NRXN3: variants seen among roughly 807,000 people sequenced by gnomAD.
The protein encoded by NRXN3 is neurexin III.
NRXN3 carries 32 observed loss-of-function variants against 137.6 expected under a neutral mutation model. The observed-to-expected ratio is 0.23, with a 90% CI of 0.18 to 0.31. The LOEUF (loss-of-function observed/expected upper bound fraction) is 0.31. NRXN3 is among the 10% of genes least tolerant of loss of function. NRXN3 has a pLI of 1.00. For missense variants in NRXN3, 1,574 were observed against 2,062.5 expected, an observed-to-expected ratio of 0.76 and a Z score of 4.59; for synonymous variants, 798 against 784.5, an observed-to-expected ratio of 1.02 and a Z score of -0.29.
Position 78,349,598 on chromosome 14 carries a change from T to G in NRXN3, c.757+51738T>G, listed in dbSNP as rs535788451. Among the ~76,000 whole-genome samples, 33 of 152,344 alleles carry G rather than the reference T, an allele frequency of 2.2e-4. 1 individual carries two copies. The South Asian group carries it at 6.0e-3, about 28-fold the overall frequency. On this transcript the variant is annotated intron_variant, in intron 4 of 20. Coordinates refer to ENST00000335750, the MANE Select transcript of NRXN3 (RefSeq NM_001330195.2). ...TTTTAGCTTTCAATTACATGCGGTC[T>G]AGTTATAGGCTTTCAGTTGCTTCAT... is the stretch of plus-strand genomic sequence containing the variant.
chr14:78,879,330 A>T (rs1449739227), intron 10 of NRXN3, among the ~76,000 whole-genome samples: 2 of 152,204 alleles, frequency 1.3e-5, no homozygotes, highest in African/African-American at 4.8e-5. Flanking sequence ...ACAGCAGTAT[A>T]CCAGGGTTCC....
At chr14:79,708,160 T>A (rs932119635) in intron 19 of NRXN3, among the ~76,000 whole-genome samples, 3 of 152,146 alleles carry the variant, frequency 2.0e-5, no homozygotes, top group African/African-American at 7.2e-5. Context: ...AAAATATTTT[T>A]AAAAAATTGT....
intron 16 of NRXN3, among the ~76,000 whole-genome samples, chr14:79,578,803 T>G (rs950754703): frequency 6.6e-6 from 1 of 152,106 alleles, no homozygotes; most frequent in Non-Finnish European, 1.5e-5. Context: ...TTTTGAACTT[T>G]GTAGTCAGGG....
intron 16 of NRXN3, among the ~76,000 whole-genome samples, chr14:79,620,512 G>A (rs919187371): frequency 1.3e-5 from 2 of 152,074 alleles, no homozygotes; most frequent in East Asian, 3.9e-4. Flanking sequence ...ATAAGGTAGT[G>A]GCATTGGAGT....
intron 10 of NRXN3, among the ~76,000 whole-genome samples, chr14:78,931,928 C>A (rs1597539625): frequency 1.3e-5 from 2 of 152,080 alleles, no homozygotes; most frequent in South Asian, 4.1e-4. Context: ...AGGTGGATCA[C>A]CTGAGATCAG....
At chr14:78,526,479 GA>G (rs2096381758) in intron 4 of NRXN3, among the ~76,000 whole-genome samples, 1 of 152,178 alleles carries the variant, frequency 6.6e-6, no homozygotes, top group Admixed American at 6.5e-5. Flanking sequence ...CAAAAACAAA[GA>G]AAACTAACAA....
intron 16 of NRXN3, among the ~76,000 whole-genome samples, chr14:79,559,220 C>T (rs1326152785): frequency 6.6e-6 from 1 of 152,106 alleles, no homozygotes; most frequent in Admixed American, 6.5e-5. Flanking sequence ...TCTTTGCATC[C>T]ACTACTTGGC....
At chr14:79,782,484 T>C (rs980983962) in intron 19 of NRXN3, among the ~76,000 whole-genome samples, 1 of 151,898 alleles carries the variant, frequency 6.6e-6, no homozygotes, top group Non-Finnish European at 1.5e-5. Flanking sequence ...TTATGGTCTC[T>C]TGAATATTCT....
At chr14:79,813,990 G>A (rs148458253) in intron 20 of NRXN3, among the ~76,000 whole-genome samples, 1 of 152,298 alleles carries the variant, frequency 6.6e-6, no homozygotes, top group African/African-American at 2.4e-5. Flanking sequence ...GTGGCATGCC[G>A]TGACAAGTTT....
chr14:79,004,872 C>T (rs1388918078), intron 15 of NRXN3, among the ~76,000 whole-genome samples: 1 of 152,096 alleles, frequency 6.6e-6, no homozygotes, highest in East Asian at 1.9e-4. Context: ...TGCTGTCGCC[C>T]CGTCCTCATC....
At chr14:79,773,388 C>A (rs945018496) in intron 19 of NRXN3, among the ~76,000 whole-genome samples, 1 of 152,016 alleles carries the variant, frequency 6.6e-6, no homozygotes, top group Admixed American at 6.6e-5. Context: ...CAAATGTCCA[C>A]CAATGATCGA....
chr14:79,595,031 T>G (rs541070054), intron 16 of NRXN3, among the ~76,000 whole-genome samples: 32 of 152,350 alleles, frequency 2.1e-4, no homozygotes, highest in African/African-American at 7.5e-4. Flanking sequence ...CATGCATACC[T>G]CAGCTGAAAA....
intron 10 of NRXN3, among the ~76,000 whole-genome samples, chr14:78,951,811 T>A (rs1215669466): frequency 6.6e-6 from 1 of 152,170 alleles, no homozygotes; most frequent in African/African-American, 2.4e-5. Context: ...GAATAGATAG[T>A]CTTGCAAAAC....
intron 15 of NRXN3, among the ~76,000 whole-genome samples, chr14:79,452,816 A>G (rs189252712): frequency 3.9e-5 from 6 of 152,326 alleles, no homozygotes; most frequent in Admixed American, 2.6e-4. Context: ...ATAAAGGAAG[A>G]AAAACAAAGT....
chr14:79,637,942 C>A (rs997984434), intron 16 of NRXN3, among the ~76,000 whole-genome samples: 4 of 151,416 alleles, frequency 2.6e-5, no homozygotes, highest in African/African-American at 9.8e-5. Flanking sequence ...GTTAGCCAGG[C>A]TGGTCTTGAA....
chr14:78,627,623 T>G (rs189949331), intron 4 of NRXN3, among the ~76,000 whole-genome samples: 2 of 152,326 alleles, frequency 1.3e-5, no homozygotes, highest in Admixed American at 1.3e-4. Context: ...GAAATCAAAG[T>G]TGTCCCCTGT....
chr14:79,512,223 G>T (rs2096939073), intron 16 of NRXN3, among the ~76,000 whole-genome samples: 1 of 152,152 alleles, frequency 6.6e-6, no homozygotes, highest in African/African-American at 2.4e-5. Context: ...TGTATCAATT[G>T]TAGCTTACCA....
intron 4 of NRXN3, among the ~76,000 whole-genome samples, chr14:78,472,838 T>C (rs1338619597): frequency 1.3e-5 from 2 of 152,120 alleles, no homozygotes; most frequent in African/African-American, 4.8e-5. Context: ...AAAAATGGAA[T>C]ATTCTCTAAA....
rs531785302 is a variant in NRXN3, at chr14:78,340,354, G to A, written c.757+42494G>A. ...AAGGGACTCTTTGGAGTGAAGCCAA[G>A]TGTCTACTTTGGGACAGGGGAAGTA... is the stretch of plus-strand genomic sequence containing the variant. On this transcript the variant is annotated intron_variant, in intron 4 of 20. Coordinates refer to ENST00000335750, the MANE Select transcript of NRXN3 (RefSeq NM_001330195.2). Among the ~76,000 whole-genome samples, 71 of 152,328 alleles carry A rather than the reference G, an allele frequency of 4.7e-4. 2 individuals carry two copies. In the South Asian group the frequency reaches 0.015, roughly 31 times the overall value.
Sources: allele counts gnomAD v4.1 joint callset (sites outside exome capture counted in the v4.1 genomes callset), GRCh38; gene constraint gnomAD v4.1.1; transcripts MANE v1.5; gene names NCBI Gene and HGNC (gene_info 2026-07-23, HGNC 2026-07-21).